OR4M1: variants seen among roughly 807,000 people sequenced by gnomAD.
The protein encoded by OR4M1 is olfactory receptor family 4 subfamily M member 1.
OR4M1 carries 7 observed loss-of-function variants against 9.8 expected under a neutral mutation model. The ratio of observed to expected loss-of-function variants is 0.71; its 90% CI spans 0.41 to 1.34. The LOEUF is 1.34. Ranked by LOEUF, OR4M1 falls within the 40% of genes most tolerant of loss-of-function variation. The pLI is 0.01. For missense variants in OR4M1, 331 were observed against 380.4 expected (o/e 0.87, Z 1.08); for synonymous variants, 121 against 139.8 (o/e 0.87, Z 0.95).
intron 1 of OR4M1, among the ~76,000 whole-genome samples, chr14:19,776,952 A>T (rs1878327871): frequency 6.9e-6 from 1 of 144,470 alleles, no homozygotes; most frequent in Admixed American, 7.1e-5. Context: ...TCTCCTAAAT[A>T]TTTTCTAAAC....
At chr14:19,780,089 C>T (rs1359100211) in intron 1 of OR4M1, among the ~76,000 whole-genome samples, 2 of 152,200 alleles carry the variant, frequency 1.3e-5, no homozygotes, top group Non-Finnish European at 2.9e-5. Flanking sequence ...CAAATATATG[C>T]CACACTTCAT....
intron 1 of OR4M1, among the ~76,000 whole-genome samples, chr14:19,777,714 C>G (rs1214369123): frequency 6.6e-6 from 1 of 152,156 alleles, no homozygotes; most frequent in Non-Finnish European, 1.5e-5. Context: ...TAGGAATAGA[C>G]TTTTTAATAT....
chr14:19,781,622 AAATATGAAGTAAATGG>A lies in OR4M1; in HGVS notation c.*359_*374del, dbSNP rs1184702254. On this transcript the variant is annotated 3_prime_UTR_variant, in exon 2 of 2. Transcript: ENST00000641200. ...TAAGACATGGAGACGTGTCCATTAC[AAATATGAAGTAAATGG>A]CAAGCATATGGATGCAGCTAGCTTC... 8.9e-6 allele frequency: 2 copies of A among 225,972 alleles called. No homozygotes were observed. The highest frequency in any genetic ancestry group is 4.6e-5 in the African/African-American group (2 of 43,014). 14.0% of individuals were successfully genotyped at this position (225,972 alleles called of 1,614,324 possible). A position where few individuals can be genotyped will look rare whatever the true frequency, so the allele number is the denominator to read the frequency against.
At chr14:19,780,180 A>G (rs1402461863) in intron 1 of OR4M1, 114 bp from the exon 2 acceptor site, 2 of 950,682 alleles carry the variant, frequency 2.1e-6, no homozygotes, top group Non-Finnish European at 1.5e-6. Flanking sequence ...GGGCAACCAA[A>G]TGTATCCTCA....
rs115686715 is a variant in OR4M1 at position 19,780,264 on chromosome 14, G to A, written c.-29-30G>A. ...TATAACTCTAGATAAATGCTATGTG[G>A]ACTAATTATAGTTTCTTTAATTTTC... On this transcript the variant is annotated intron_variant, in intron 1 of 1. Transcript: ENST00000641200. 3.1e-3 allele frequency: 4,586 copies of A among 1,490,510 alleles called. 62 individuals are homozygous for A. In the African/African-American group the frequency reaches 0.049, roughly 16 times the overall value. 92.3% of individuals were successfully genotyped at this position (1,490,510 alleles called of 1,614,324 possible).
chr14:19,775,671 TAAA>T (rs1007086461), intron 1 of OR4M1, among the ~76,000 whole-genome samples: 15 of 146,988 alleles, frequency 1.0e-4, no homozygotes, highest in African/African-American at 3.7e-4. Flanking sequence ...TCAAGTAAAT[TAAA>T]AGAATATATT....
chr14:19,776,108 A>C (rs900940973), intron 1 of OR4M1, among the ~76,000 whole-genome samples: 1 of 152,226 alleles, frequency 6.6e-6, no homozygotes, highest in African/African-American at 2.4e-5. Flanking sequence ...AAAAATAGGA[A>C]AATTAATTCG....
intron 1 of OR4M1, among the ~76,000 whole-genome samples, chr14:19,774,213 G>A (rs1878246356): frequency 6.6e-6 from 1 of 152,226 alleles, no homozygotes; most frequent in African/African-American, 2.4e-5. Context: ...GGTGAAATAT[G>A]TATTTTAACA....
At chr14:19,780,025 C>T (rs1878420535) in intron 1 of OR4M1, among the ~76,000 whole-genome samples, 1 of 152,200 alleles carries the variant, frequency 6.6e-6, no homozygotes, top group Non-Finnish European at 1.5e-5. Context: ...TAGTGCATTG[C>T]CGAATTTCAG....
At chr14:19,779,692 G>A (rs1192903336) in intron 1 of OR4M1, among the ~76,000 whole-genome samples, 1 of 152,196 alleles carries the variant, frequency 6.6e-6, no homozygotes, top group Non-Finnish European at 1.5e-5. Flanking sequence ...TTTATATAGG[G>A]CCTTGCATAG....
intron 1 of OR4M1, among the ~76,000 whole-genome samples, chr14:19,778,694 T>C (rs1726398952): frequency 6.6e-6 from 1 of 152,220 alleles, no homozygotes; most frequent in Admixed American, 6.5e-5. Context: ...TATATATTTA[T>C]AAGCTATACC....
At chr14:19,775,410 C>T (rs976542135) in intron 1 of OR4M1, among the ~76,000 whole-genome samples, 2 of 152,132 alleles carry the variant, frequency 1.3e-5, no homozygotes, top group Non-Finnish European at 2.9e-5. Flanking sequence ...TAATAGCCAC[C>T]CTGCAGGCTG....
chr14:19,775,796 T>C (rs377494244), intron 1 of OR4M1, among the ~76,000 whole-genome samples: 2 of 147,948 alleles, frequency 1.4e-5, no homozygotes, highest in South Asian at 4.2e-4. Context: ...AGTATATTAT[T>C]AAATATAATA....
chr14:19,780,603 T>C lies in OR4M1; in HGVS notation c.281T>C (p.Phe94Ser), dbSNP rs1297960258. The stretch of plus-strand genomic sequence containing the variant: ...TTTGTGGAGAGGAAGATAATTTCCT[T>C]TGGTGGATGCATTGCACAGCTCTTC... ...DFFVERKIIS[F>S]GGCIAQLFFL... The change falls in exon 2 of 2, where the codon TTT (phenylalanine) becomes TCT (serine). Residue 94 changes from phenylalanine to serine, a missense_variant. Around this residue, in one of 2 missense-constraint regions of OR4M1, gnomAD observed 209 missense variants for 200.0 expected, o/e 1.04. Transcript: ENST00000641200. 5 of 1,614,096 alleles carry C rather than the reference T, an allele frequency of 3.1e-6. No individual in the cohort carries two copies. Among genetic ancestry groups the C allele is most frequent in the South Asian group, 2.2e-5 (2 of 91,096 alleles).
Position 19,782,242 on chromosome 14 carries a change from C to T in OR4M1, c.*978C>T, listed in dbSNP as rs1878521854. On this transcript the variant is annotated 3_prime_UTR_variant, in exon 2 of 2. Transcript: ENST00000641200. Reference sequence around the variant, plus strand: ...CTGGATGTGTTGGTTCCCATGATCCCTTAGAGAATTATTAGGGACTGATTT... The same window carrying T: ...CTGGATGTGTTGGTTCCCATGATCCTTTAGAGAATTATTAGGGACTGATTT... The T allele has an allele frequency of 1.3e-5, 2 of 152,248 alleles. No individual in the cohort carries two copies. The highest frequency in any genetic ancestry group is 1.3e-4 in the Admixed American group (2 of 15,280). 9.4% of individuals were successfully genotyped at this position (152,248 alleles called of 1,614,324 possible).
intron 1 of OR4M1, among the ~76,000 whole-genome samples, chr14:19,774,006 C>T (rs1168478423): frequency 1.3e-5 from 2 of 152,206 alleles, no homozygotes; most frequent in Non-Finnish European, 2.9e-5. Context: ...GAAAGAAAGT[C>T]AGGAAAACCC....
At position 19,780,389 on chromosome 14, in the gene OR4M1, G is replaced by T. The variant is rs767274151; in HGVS notation, c.67G>T (p.Val23Phe). 5.0e-6 allele frequency: 8 copies of T among 1,614,202 alleles called. No individual in the cohort carries two copies. The highest frequency in any genetic ancestry group is 1.7e-6 in the Non-Finnish European group (2 of 1,180,002). ...CACTGGCCTATCCCAGACTCGGGAGGTCCAACTAGTCCTATTTGTTATATT... is the reference window on the plus strand; with the variant it reads ...CACTGGCCTATCCCAGACTCGGGAGTTCCAACTAGTCCTATTTGTTATATT... ...VLTGLSQTRE[V>F]QLVLFVIFLS... Residue 23 changes from valine (V) to phenylalanine (F), a missense_variant, in exon 2 of 2, where the codon GTC becomes TTC. Physicochemically the swap from Val to Phe is conservative, Grantham distance 50 (BLOSUM62 -1). This residue lies in a region of OR4M1 where 209 missense variants were observed against 200.0 expected (regional missense o/e 1.04). Coordinates refer to ENST00000641200, the MANE Select transcript of OR4M1 (RefSeq NM_001005500.2).
Position 19,780,884 on chromosome 14 carries a change from G to T in OR4M1, c.562G>T (p.Ala188Ser). ...FCDITQVVRI[A>S]CANTFPEELV... ...TGACATCACACAGGTTGTCCGGATT[G>T]CCTGTGCCAACACCTTCCCAGAGGA... is the stretch of plus-strand genomic sequence containing the variant. The change falls in exon 2 of 2, where the codon GCC (alanine) becomes TCC (serine). Residue 188 changes from alanine to serine, a missense_variant. Transcript: ENST00000641200. The T allele has an allele frequency of 1.2e-6, 2 of 1,614,194 alleles. No homozygotes were observed. Among genetic ancestry groups the T allele is most frequent in the East Asian group, 2.2e-5 (1 of 44,876 alleles).
At chr14:19,774,875 G>A (rs866796834) in intron 1 of OR4M1, among the ~76,000 whole-genome samples, 7 of 152,216 alleles carry the variant, frequency 4.6e-5, no homozygotes, top group South Asian at 2.1e-4. Context: ...GTGTTCAGCT[G>A]TGGTTAGAAT....
Sources: allele counts gnomAD v4.1 joint callset (sites outside exome capture counted in the v4.1 genomes callset), GRCh38; gene constraint gnomAD v4.1.1; regional missense constraint gnomAD v4.1.1; transcripts MANE v1.5; gene names NCBI Gene and HGNC (gene_info 2026-07-23, HGNC 2026-07-21).